Variants in FOXP1 observed in about 807,000 individuals in gnomAD.
The protein encoded by FOXP1 is forkhead box P1, also known as forkhead box protein P1.
In FOXP1, 15 loss-of-function variants were observed where a neutral mutation model predicts 98.2. The observed-to-expected ratio is 0.15, with a 90% CI of 0.10 to 0.24. FOXP1 has a LOEUF of 0.24. FOXP1 is among the 10% of genes least tolerant of loss of function. The pLI, the probability that FOXP1 is intolerant of heterozygous loss-of-function variation, is 1.00. For missense variants in FOXP1, 633 were observed against 848.5 expected (o/e 0.75, Z 3.15); for synonymous variants, 371 against 314.5 (o/e 1.18, Z -1.90).
intron 2 of FOXP1, among the ~76,000 whole-genome samples, chr3:71,568,090 TA>T (rs1168831119): frequency 8.6e-6 from 1 of 116,898 alleles, no homozygotes; most frequent in Non-Finnish European, 1.8e-5. Flanking sequence ...GAGGGGAAAT[TA>T]AAAAAAGAAA....
chr3:71,069,989 C>G (rs559280994), intron 7 of FOXP1, among the ~76,000 whole-genome samples: 4 of 152,270 alleles, frequency 2.6e-5, no homozygotes, highest in African/African-American at 9.6e-5. Context: ...CAACACCACC[C>G]TCCTCTGACC....
At chr3:71,226,548 T>TTC (rs10701218) in intron 5 of FOXP1, among the ~76,000 whole-genome samples, 57,782 of 146,042 alleles carry the variant, frequency 0.4, 12,619 homozygotes, top group Middle Eastern at 0.53. Flanking sequence ...CTTCCCGGGG[T>TTC]TCTCTCTCTC....
chr3:71,072,825 T>C (rs1356021778), intron 7 of FOXP1, among the ~76,000 whole-genome samples: 1 of 152,200 alleles, frequency 6.6e-6, no homozygotes, highest in Admixed American at 6.5e-5. Context: ...CTGCTACTGA[T>C]AGGGGGTGCC....
At chr3:70,969,671 T>C (rs2035770977) in intron 19 of FOXP1, 2 of 151,876 alleles carry the variant, frequency 1.3e-5, no homozygotes, top group African/African-American at 4.8e-5. Flanking sequence ...GTTTCTCTCT[T>C]TCTGCCCTCA....
intron 3 of FOXP1, among the ~76,000 whole-genome samples, chr3:71,472,169 G>A (rs1164437665): frequency 6.6e-6 from 1 of 152,004 alleles, no homozygotes; most frequent in Admixed American, 6.6e-5. Flanking sequence ...TTCTTATTTT[G>A]CAGAGGACAT....
chr3:71,288,549 T>C (rs1215667467), intron 5 of FOXP1: 3 of 152,200 alleles, frequency 2.0e-5, no homozygotes, highest in Non-Finnish European at 2.9e-5. Context: ...CACCAATCTG[T>C]GATATACTTC....
At chr3:70,978,534 T>TAAA (rs2038090668) in intron 14 of FOXP1, among the ~76,000 whole-genome samples, 1 of 152,182 alleles carries the variant, frequency 6.6e-6, no homozygotes, top group African/African-American at 2.4e-5. Context: ...TGATTTTTAT[T>TAAA]AAAATTAAAC....
At chr3:71,196,035 A>T (rs1363672685) in intron 6 of FOXP1, among the ~76,000 whole-genome samples, 1 of 152,228 alleles carries the variant, frequency 6.6e-6, no homozygotes, top group African/African-American at 2.4e-5. Context: ...TGTCAATGTT[A>T]TATTTTAAAA....
At chr3:71,349,640 AT>A (rs1276306646) in intron 4 of FOXP1, among the ~76,000 whole-genome samples, 2 of 117,270 alleles carry the variant, frequency 1.7e-5, no homozygotes, top group Admixed American at 1.0e-4. Context: ...ACATGCAAAA[AT>A]AAAAAAAAAA....
intron 3 of FOXP1, among the ~76,000 whole-genome samples, chr3:71,418,550 G>T (rs940049089): frequency 3.9e-5 from 6 of 152,132 alleles, no homozygotes; most frequent in African/African-American, 1.4e-4. Context: ...TAATTATTCT[G>T]AAGTGTTAAA....
chr3:71,001,591 T>TG (rs1283842371), intron 12 of FOXP1, among the ~76,000 whole-genome samples: 1 of 150,450 alleles, frequency 6.6e-6, no homozygotes. Context: ...GTACCAATGG[T>TG]GGGGGGTGGG....
chr3:71,305,134 T>TA (rs1461618064), intron 4 of FOXP1, among the ~76,000 whole-genome samples: 1 of 152,088 alleles, frequency 6.6e-6, no homozygotes, highest in African/African-American at 2.4e-5. Context: ...AAATTCACTT[T>TA]AAAAAAAGAC....
intron 4 of FOXP1, among the ~76,000 whole-genome samples, chr3:71,358,821 C>G (rs2078352756): frequency 6.6e-6 from 1 of 152,102 alleles, no homozygotes; most frequent in African/African-American, 2.4e-5. Context: ...CTTTTGTGCT[C>G]TAAAGGCAGA....
At position 71,029,273 on chromosome 3, in the gene FOXP1, T is replaced by A. The variant is rs531267308; in HGVS notation, c.869+12055A>T. Reference sequence around the variant, plus strand: ...GCTGGCTTGTGCTGGGTGATGGGGATGTGGCAATGGACAAGAGAGTTAAAA... The same window carrying A: ...GCTGGCTTGTGCTGGGTGATGGGGAAGTGGCAATGGACAAGAGAGTTAAAA... On this transcript the variant is annotated intron_variant, in intron 11 of 20. Transcript: ENST00000649528. 1.5e-4 allele frequency among the ~76,000 whole-genome samples: 23 copies of A among 152,324 alleles called. No homozygotes were observed. In the South Asian group the frequency reaches 4.8e-3, roughly 32 times the overall value.
At chr3:71,440,644 C>G (rs370072132) in intron 3 of FOXP1, among the ~76,000 whole-genome samples, 2 of 150,058 alleles carry the variant, frequency 1.3e-5, no homozygotes, top group East Asian at 3.9e-4. Flanking sequence ...TGCAGTGAGC[C>G]AAGGTCGTGC....
At chr3:71,415,504 G>T (rs904486693) in intron 3 of FOXP1, among the ~76,000 whole-genome samples, 1 of 152,122 alleles carries the variant, frequency 6.6e-6, no homozygotes, top group African/African-American at 2.4e-5. Context: ...AGCAAAAAAG[G>T]AATGTAGAAA....
At chr3:71,138,387 T>C (rs1199132836) in intron 6 of FOXP1, among the ~76,000 whole-genome samples, 1 of 152,194 alleles carries the variant, frequency 6.6e-6, no homozygotes. Flanking sequence ...AACCTTTGTA[T>C]TCACGTGAAT....
In FOXP1 at chr3:71,172,434, G is replaced by A. The variant is rs532033235; in HGVS notation, c.180+25768C>T. 5.3e-5 allele frequency among the ~76,000 whole-genome samples: 8 copies of A among 152,228 alleles called. No individual in the cohort carries two copies. In the South Asian group the frequency reaches 8.3e-4, roughly 16 times the overall value. On this transcript the variant is annotated intron_variant, in intron 6 of 20. Transcript: ENST00000649528. ...AAAGAATGTAAAGCAAATGAAAATC[G>A]CATCCAATAATGGTGACACCTACAT...
intron 3 of FOXP1, among the ~76,000 whole-genome samples, chr3:71,375,372 CAGACT>C (rs1178164410): frequency 6.6e-6 from 1 of 152,164 alleles, no homozygotes; most frequent in East Asian, 1.9e-4. Context: ...GGAATTCTGA[CAGACT>C]AAACAGTGTG....
Sources: allele counts gnomAD v4.1 joint callset (sites outside exome capture counted in the v4.1 genomes callset), GRCh38; gene constraint gnomAD v4.1.1; transcripts MANE v1.5; gene names NCBI Gene and HGNC (gene_info 2026-07-23, HGNC 2026-07-21).